MYL12B: variants seen among roughly 807,000 people sequenced by gnomAD.
MYL12B encodes myosin light chain 12B, also known as myosin regulatory light chain 12B.
A neutral mutation model predicts 12.9 loss-of-function variants in MYL12B; 3 were observed. The observed-to-expected ratio is 0.23, with a 90% CI of 0.11 to 0.60. The LOEUF (loss-of-function observed/expected upper bound fraction) is 0.60. MYL12B is among the 20% of genes least tolerant of loss of function. The probability of loss-of-function intolerance (pLI) is 0.89; values close to 1 mark genes in which losing one functional copy is unlikely to be tolerated. For synonymous variants in MYL12B, 57 were observed against 71.9 expected, an observed-to-expected ratio of 0.79 and a Z score of 1.05; for missense variants, 120 against 215.4, an observed-to-expected ratio of 0.56 and a Z score of 2.77.
intron 2 of MYL12B, among the ~76,000 whole-genome samples, chr18:3,276,031 G>T (rs1466076644): frequency 4.6e-5 from 7 of 151,940 alleles, no homozygotes; most frequent in Non-Finnish European, 1.0e-4. Flanking sequence ...TGTCATTCTA[G>T]CTTTGACTTA....
At position 3,268,547 on chromosome 18, in the gene MYL12B, T is replaced by A. The variant is rs7233713; in HGVS notation, c.-15-4337T>A. ...ACAGTTCCAGGGAGTGCCACTCACA[T>A]TTCATTTACTCACTGCAACTCTATT... On this transcript the variant is annotated intron_variant, in intron 1 of 3. Coordinates refer to ENST00000237500, the MANE Select transcript of MYL12B (RefSeq NM_033546.4). Among the ~76,000 whole-genome samples the A allele has an allele frequency of 2.3e-3, 357 of 152,350 alleles. 4 individuals carry two copies. Among genetic ancestry groups the A allele is most frequent in the African/African-American group, 8.2e-3 (343 of 41,576 alleles).
intron 3 of MYL12B, 142 bp from the exon 4 acceptor site, chr18:3,277,623 A>T: frequency 7.9e-7 from 1 of 1,259,758 alleles, no homozygotes. Flanking sequence ...GATATAGTTC[A>T]TATAGCCTTA....
chr18:3,276,244 A>G (rs2081730115), intron 2 of MYL12B, among the ~76,000 whole-genome samples: 1 of 149,926 alleles, frequency 6.7e-6, no homozygotes, highest in Admixed American at 6.6e-5. Flanking sequence ...CTGGGTTTGA[A>G]TGCCAGTTCT....
intron 1 of MYL12B, among the ~76,000 whole-genome samples, chr18:3,268,515 A>G (rs2081651948): frequency 6.6e-6 from 1 of 152,238 alleles, no homozygotes; most frequent in Non-Finnish European, 1.5e-5. Flanking sequence ...CAGGGCTACT[A>G]CACTGCACAG....
At chr18:3,276,126 T>C (rs1242826447) in intron 2 of MYL12B, among the ~76,000 whole-genome samples, 2 of 151,998 alleles carry the variant, frequency 1.3e-5, no homozygotes, top group Middle Eastern at 3.4e-3. Context: ...ATAAACTTAA[T>C]GTTGGAAGAT....
chr18:3,278,057 T>C lies in MYL12B; in HGVS notation c.*120T>C. ...TTAGTTTCACAGCTTTGCCTCTTCT[T>C]TTTGATGTATTTATTCCAGACCTTT... On this transcript the variant is annotated 3_prime_UTR_variant, in exon 4 of 4. Coordinates refer to ENST00000237500, the MANE Select transcript of MYL12B (RefSeq NM_033546.4). 8.0e-7 allele frequency: 1 copy of C among 1,255,308 alleles called. No individual in the cohort carries two copies. Among genetic ancestry groups the C allele is most frequent in the East Asian group, 2.6e-5 (1 of 38,644 alleles). The allele number at this position is 1,255,308 out of a possible 1,614,324, so 77.8% of individuals were successfully genotyped here.
At chr18:3,276,459 C>T in intron 2 of MYL12B, 1 of 984,842 alleles carries the variant, frequency 1.0e-6, no homozygotes, top group Non-Finnish European at 1.2e-6. Flanking sequence ...GAAGTGTTCA[C>T]ACTTGGAATG....
At chr18:3,267,033 CA>C (rs1311624239) in intron 1 of MYL12B, among the ~76,000 whole-genome samples, 2 of 152,204 alleles carry the variant, frequency 1.3e-5, no homozygotes, top group Admixed American at 1.3e-4. Flanking sequence ...GATGCATAAA[CA>C]GCCAATGTGA....
chr18:3,276,194 A>G (rs1384289217), intron 2 of MYL12B, among the ~76,000 whole-genome samples: 1 of 151,228 alleles, frequency 6.6e-6, no homozygotes, highest in Non-Finnish European at 1.5e-5. Context: ...AAAAGAAGTA[A>G]ATTCTACATA....
Position 3,278,360 on chromosome 18 carries a change from T to C in MYL12B, c.*423T>C. 6.2e-6 allele frequency: 1 copy of C among 161,642 alleles called. No individual in the cohort carries two copies. Among genetic ancestry groups the C allele is most frequent in the Admixed American group, 6.4e-5 (1 of 15,666 alleles). The allele number at this position is 161,642 out of a possible 1,614,324, so 10.0% of individuals were successfully genotyped here. On this transcript the variant is annotated 3_prime_UTR_variant, in exon 4 of 4. Transcript: ENST00000237500. ...TTTCAACTTCATATGATTCAGGTTT[T>C]ATGGTAAAATTGATTTTTCACATAT...
chr18:3,276,408 T>TAGGGAA (rs2081731900), intron 2 of MYL12B: 1 of 984,272 alleles, frequency 1.0e-6, no homozygotes, highest in African/African-American at 1.8e-5. Context: ...TTTCAGCTCC[T>TAGGGAA]AGGGAAAGGT....
At chr18:3,273,139 G>T in intron 2 of MYL12B, 57 bp downstream of exon 2, 3 of 1,488,392 alleles carry the variant, frequency 2.0e-6, no homozygotes, top group South Asian at 2.8e-5. Context: ...GTCTCTTTAT[G>T]AATCTTTTTT....
chr18:3,277,896 A>G lies in MYL12B; in HGVS notation c.478A>G (p.Thr160Ala). Residue 160 changes from threonine to alanine, a missense_variant, in exon 4 of 4, where the codon ACA becomes GCA. Physicochemically the swap from Thr to Ala is moderately conservative, Grantham distance 58. Transcript: ENST00000237500. ...GGGGAATTTCAATTACATCGAGTTC[A>G]CACGCATCCTGAAACATGGAGCCAA... ...KKGNFNYIEF[T>A]RILKHGAKDK... 1 of 1,614,098 alleles carries G rather than the reference A, an allele frequency of 6.2e-7. No homozygotes were observed.
intron 2 of MYL12B, 116 bp downstream of exon 2, chr18:3,273,198 G>A (rs1240626321): frequency 2.5e-6 from 3 of 1,189,754 alleles, no homozygotes; most frequent in East Asian, 2.6e-5. Flanking sequence ...GGCCTCTGGA[G>A]AGATTTCTGG....
intron 1 of MYL12B, among the ~76,000 whole-genome samples, chr18:3,265,058 A>G (rs1477804378): frequency 6.6e-6 from 1 of 152,228 alleles, no homozygotes; most frequent in African/African-American, 2.4e-5. Context: ...TGTCATTGTT[A>G]TAATGTGTAT....
At chr18:3,268,588 T>A (rs1428114880) in intron 1 of MYL12B, among the ~76,000 whole-genome samples, 1 of 152,238 alleles carries the variant, frequency 6.6e-6, no homozygotes, top group Non-Finnish European at 1.5e-5. Context: ...CCTTGGTTTT[T>A]CTGGTGTAGA....
chr18:3,273,638 T>C (rs911880222), intron 2 of MYL12B, among the ~76,000 whole-genome samples: 4 of 152,230 alleles, frequency 2.6e-5, no homozygotes, highest in African/African-American at 9.6e-5. Flanking sequence ...GATTTTGTTA[T>C]TGTTTCTTAA....
chr18:3,271,887 G>A (rs577269064), intron 1 of MYL12B, among the ~76,000 whole-genome samples: 2 of 151,704 alleles, frequency 1.3e-5, no homozygotes, highest in South Asian at 2.1e-4. Flanking sequence ...GCCATATTAC[G>A]GAGAATGGAG....
intron 3 of MYL12B, 147 bp downstream of exon 3, chr18:3,277,561 T>G: frequency 7.4e-7 from 1 of 1,356,550 alleles, no homozygotes; most frequent in Non-Finnish European, 9.9e-7. Context: ...AGCTTTTAAA[T>G]GATTTGATCT....
Sources: allele counts gnomAD v4.1 joint callset (sites outside exome capture counted in the v4.1 genomes callset), GRCh38; gene constraint gnomAD v4.1.1; transcripts MANE v1.5; gene names NCBI Gene and HGNC (gene_info 2026-07-23, HGNC 2026-07-21).